The following RHPN2 variants were observed in gnomAD, a reference collection of about 807,000 sequenced individuals.
The protein encoded by RHPN2 is rhophilin-2.
In RHPN2, 40 loss-of-function variants were observed where a neutral mutation model predicts 79.0. The observed-to-expected ratio is 0.51, with a 90% CI of 0.39 to 0.66. The LOEUF is 0.66. RHPN2 is among the 30% of genes least tolerant of loss of function. RHPN2 has a pLI of 0.00. For synonymous variants in RHPN2, 285 were observed against 363.5 expected (o/e 0.78, Z 2.46); for missense variants, 686 against 883.5 (o/e 0.78, Z 2.83).
At chr19:33,053,275 C>T (rs909051711) in intron 1 of RHPN2, among the ~76,000 whole-genome samples, 2 of 151,988 alleles carry the variant, frequency 1.3e-5, no homozygotes, top group African/African-American at 4.8e-5. Flanking sequence ...AGGTGTGAGC[C>T]ACTGCGCCCA....
intron 2 of RHPN2, 76 bp from the exon 3 acceptor site, chr19:33,026,708 G>C: frequency 6.5e-7 from 1 of 1,530,914 alleles, no homozygotes; most frequent in Non-Finnish European, 8.9e-7. Flanking sequence ...CCAATCCCCA[G>C]TCCCTGCAGG....
intron 4 of RHPN2, among the ~76,000 whole-genome samples, chr19:33,017,328 C>T (rs1188460864): frequency 6.6e-6 from 1 of 151,714 alleles, no homozygotes; most frequent in Non-Finnish European, 1.5e-5. Context: ...GAGCTGAGAT[C>T]GTGCCATTGG....
intron 10 of RHPN2, among the ~76,000 whole-genome samples, chr19:32,996,704 A>C (rs6510321): frequency 0.61 from 92,646 of 151,286 alleles, 29,393 homozygotes; most frequent in African/African-American, 0.77. Context: ...CTTCAGTTAA[A>C]CCCCCCTCCC....
intron 11 of RHPN2, among the ~76,000 whole-genome samples, chr19:32,994,541 G>A (rs754767833): frequency 2.6e-5 from 4 of 152,160 alleles, no homozygotes; most frequent in Admixed American, 1.3e-4. Flanking sequence ...CCATTTGGGT[G>A]CCTCCAGTGA....
At chr19:33,034,605 CAAAA>C (rs71176187) in intron 2 of RHPN2, among the ~76,000 whole-genome samples, 2 of 95,700 alleles carry the variant, frequency 2.1e-5, no homozygotes, top group African/African-American at 4.6e-5. Flanking sequence ...GACTCCGTCT[CAAAA>C]AAAAAAAAAA....
intron 2 of RHPN2, among the ~76,000 whole-genome samples, chr19:33,028,956 C>T (rs572550227): frequency 6.6e-5 from 10 of 151,752 alleles, no homozygotes; most frequent in African/African-American, 1.2e-4. Flanking sequence ...CTGGTCAACA[C>T]GGTGAAACCC....
Position 32,993,868 on chromosome 19 carries a change from C to T in RHPN2, c.1497+109G>A, listed in dbSNP as rs1008785815. 4 of 827,928 alleles carry T rather than the reference C, an allele frequency of 4.8e-6. No homozygotes were observed. In the African/African-American group the frequency reaches 6.8e-5, roughly 14 times the overall value. The allele number at this position is 827,928 out of a possible 1,614,324, so 51.3% of individuals were successfully genotyped here. On this transcript the variant is annotated intron_variant, in intron 12 of 14. Transcript: ENST00000254260. ...TATATTTCTGCTGTCATAAGCCCCCCAGTTTGAGGCATTTTGTTATAGCAG... is the reference window on the plus strand; with the variant it reads ...TATATTTCTGCTGTCATAAGCCCCCTAGTTTGAGGCATTTTGTTATAGCAG...
intron 2 of RHPN2, among the ~76,000 whole-genome samples, chr19:33,029,231 A>G (rs1467652364): frequency 6.6e-6 from 1 of 152,118 alleles, no homozygotes; most frequent in Non-Finnish European, 1.5e-5. Context: ...AATCAGAATA[A>G]AAGTCCAGGA....
chr19:33,012,885 G>GT (rs1002997727), intron 4 of RHPN2, among the ~76,000 whole-genome samples, 161 bp from the exon 5 acceptor site: 38 of 152,038 alleles, frequency 2.5e-4, no homozygotes, highest in Admixed American at 1.1e-3. Flanking sequence ...AATTTATGTA[G>GT]TTTTTTTTAA....
chr19:33,059,396 T>C (rs1421713482), intron 1 of RHPN2, among the ~76,000 whole-genome samples: 1 of 151,900 alleles, frequency 6.6e-6, no homozygotes, highest in East Asian at 1.9e-4. Context: ...CCTCACAGGT[T>C]CAGGCAATTC....
intron 4 of RHPN2, among the ~76,000 whole-genome samples, chr19:33,019,527 C>T (rs775670571): frequency 2.0e-5 from 3 of 151,802 alleles, no homozygotes; most frequent in Admixed American, 1.3e-4. Context: ...TGCGGTGAGC[C>T]GAGATCACGC....
At chr19:33,061,498 CA>C (rs1732264617) in intron 1 of RHPN2, among the ~76,000 whole-genome samples, 1 of 147,186 alleles carries the variant, frequency 6.8e-6, no homozygotes, top group Non-Finnish European at 1.5e-5. Context: ...TTTTGGGTTG[CA>C]GGGGTACGGA....
chr19:32,992,953 C>CT (rs1279059122), intron 12 of RHPN2, among the ~76,000 whole-genome samples: 3 of 151,528 alleles, frequency 2.0e-5, no homozygotes, highest in African/African-American at 7.3e-5. Context: ...GACCCCATCT[C>CT]TACAAGAAAT....
chr19:33,025,610 T>A lies in RHPN2; in HGVS notation c.314+894A>T, dbSNP rs1187909923. On this transcript the variant is annotated intron_variant, in intron 3 of 14. Coordinates refer to ENST00000254260, the MANE Select transcript of RHPN2 (RefSeq NM_033103.5). ...TCCAACGTAAGTACAGTGCACAGAA[T>A]CTCTGTGTGTGCATAGTGGCCTCCC... Among the ~76,000 whole-genome samples, 4 of 152,364 alleles carry A rather than the reference T, an allele frequency of 2.6e-5. No homozygotes were observed. In the East Asian group the frequency reaches 7.7e-4, roughly 29 times the overall value.
At chr19:33,028,738 G>A (rs1009215191) in intron 2 of RHPN2, among the ~76,000 whole-genome samples, 6 of 151,926 alleles carry the variant, frequency 3.9e-5, no homozygotes, top group South Asian at 2.1e-4. Context: ...AATAGAAATC[G>A]GCAAGCTGAT....
rs115746388 is a variant in RHPN2, at chr19:33,060,208, G to A, written c.69+4576C>T. Among the ~76,000 whole-genome samples the A allele has an allele frequency of 3.7e-3, 558 of 152,248 alleles. 4 individuals are homozygous for A. The highest frequency in any genetic ancestry group is 0.013 in the African/African-American group (527 of 41,570). On this transcript the variant is annotated intron_variant, in intron 1 of 14. Coordinates refer to ENST00000254260, the MANE Select transcript of RHPN2 (RefSeq NM_033103.5). ...GCTGTCCAGGTTGGAATGCAGTGGC[G>A]TGATCTCGGCTCACTGCAGCCTCCA... is the stretch of plus-strand genomic sequence containing the variant.
At chr19:33,024,735 CAAAGTTATTTCTCCTTAAAA>C (rs1211334676) in intron 3 of RHPN2, among the ~76,000 whole-genome samples, 1 of 152,188 alleles carries the variant, frequency 6.6e-6, no homozygotes, top group Non-Finnish European at 1.5e-5. Context: ...TGAACTGTCT[CAAAGTTATTTCTCCTTAAAA>C]AGAAGCATTT....
intron 2 of RHPN2, among the ~76,000 whole-genome samples, chr19:33,043,270 G>A (rs994607049): frequency 6.6e-6 from 1 of 152,038 alleles, no homozygotes; most frequent in African/African-American, 2.4e-5. Context: ...GTGGCATGAC[G>A]CCAGACGCAG....
rs566017728 is a variant in RHPN2, at chr19:33,023,996, T to C, written c.315-2350A>G. Among the ~76,000 whole-genome samples the C allele has an allele frequency of 1.2e-3, 188 of 151,990 alleles. No individual in the cohort carries two copies. The Middle Eastern group carries it at 0.017, about 14-fold the overall frequency. ...TGCTCTTCGGCATGGCAAATGCGAG[T>C]GTGGAACAGCCGACATTTATTCCCA... On this transcript the variant is annotated intron_variant, in intron 3 of 14. Coordinates refer to ENST00000254260, the MANE Select transcript of RHPN2 (RefSeq NM_033103.5).
Sources: gnomAD v4.1 joint callset for allele counts (sites outside exome capture counted in the v4.1 genomes callset) on GRCh38, gnomAD v4.1.1 for gene constraint, MANE v1.5 for transcripts, NCBI Gene and HGNC (gene_info 2026-07-23, HGNC 2026-07-21) for gene names.